Variants in SBK1 observed in about 807,000 individuals in gnomAD.
The protein encoded by SBK1 is serine/threonine-protein kinase SBK1.
Under a neutral mutation model 24.4 loss-of-function variants are expected in SBK1, and 11 were observed. The ratio of observed to expected loss-of-function variants is 0.45; its 90% confidence interval spans 0.28 to 0.75. The LOEUF (loss-of-function observed/expected upper bound fraction) is 0.75, where lower values mean the gene tolerates loss of function less well. SBK1 is among the 30% of genes least tolerant of loss of function. SBK1 has a pLI of 0.12. For missense variants in SBK1, 467 were observed against 620.5 expected, an observed-to-expected ratio of 0.75 and a Z score of 2.63; for synonymous variants, 308 against 284.4, an observed-to-expected ratio of 1.08 and a Z score of -0.83.
chr16:28,280,191 A>G (rs1211494585), intron 1 of SBK1, among the ~76,000 whole-genome samples: 1 of 114,554 alleles, frequency 8.7e-6, no homozygotes, highest in African/African-American at 2.8e-5. Flanking sequence ...ATACATATAT[A>G]TGTACATATA....
chr16:28,309,689 G>A (rs774653042), intron 1 of SBK1, among the ~76,000 whole-genome samples: 1 of 152,050 alleles, frequency 6.6e-6, no homozygotes, highest in Non-Finnish European at 1.5e-5. Flanking sequence ...TTGAGCCTGG[G>A]GGTTCAAGAC....
chr16:28,318,969 A>G (rs1262618310), intron 2 of SBK1, 26 bp from the exon 3 acceptor site: 4 of 1,597,912 alleles, frequency 2.5e-6, no homozygotes, highest in Non-Finnish European at 3.4e-6. Flanking sequence ...AGGGGGCTTC[A>G]ACCCTGTTGC....
At chr16:28,318,973 C>G in intron 2 of SBK1, 22 bp from the exon 3 acceptor site, 1 of 1,604,228 alleles carries the variant, frequency 6.2e-7, no homozygotes, top group Non-Finnish European at 8.5e-7. Context: ...GGCTTCAACC[C>G]TGTTGCTGTT....
Position 28,293,144 on chromosome 16 carries a change from C to T in SBK1, c.-164C>T. On this transcript the variant is annotated 5_prime_UTR_variant, in exon 1 of 4. Transcript: ENST00000341901. Reference sequence around the variant, plus strand: ...ACCAGCAAGAAGCCTCGGGGATCCCCCCCCTAAAGCTCCAGGACTTGGGCG... The same window carrying T: ...ACCAGCAAGAAGCCTCGGGGATCCCTCCCCTAAAGCTCCAGGACTTGGGCG... 2 of 985,724 alleles carry T rather than the reference C, an allele frequency of 2.0e-6. No homozygotes were observed. Among genetic ancestry groups the T allele is most frequent in the Non-Finnish European group, 2.4e-6 (2 of 830,092 alleles). 61.1% of individuals were successfully genotyped at this position (985,724 alleles called of 1,614,324 possible). A position where few individuals can be genotyped will look rare whatever the true frequency, so the allele number is the denominator to read the frequency against.
intron 1 of SBK1, among the ~76,000 whole-genome samples, chr16:28,279,799 C>T (rs898383550): frequency 6.6e-6 from 1 of 152,002 alleles, no homozygotes; most frequent in Admixed American, 6.6e-5. Context: ...CCTTCCTCCC[C>T]GGACCTCAGT....
At chr16:28,307,159 A>T (rs939308983) in intron 1 of SBK1, among the ~76,000 whole-genome samples, 1 of 152,206 alleles carries the variant, frequency 6.6e-6, no homozygotes, top group African/African-American at 2.4e-5. Context: ...GATGATGCCA[A>T]CGGGGAGGAG....
At chr16:28,299,873 C>G (rs1225946626) in intron 1 of SBK1, among the ~76,000 whole-genome samples, 1 of 152,228 alleles carries the variant, frequency 6.6e-6, no homozygotes, top group East Asian at 1.9e-4. Context: ...CACCTCTGCT[C>G]TCATCTCCTG....
At position 28,319,140 on chromosome 16, in the gene SBK1, C is replaced by T. The variant is rs764447992; in HGVS notation, c.372C>T (p.Tyr124=). Residue 124 remains tyrosine, a synonymous_variant, in exon 3 of 4, where the codon TAC becomes TAT. Transcript: ENST00000341901. The surrounding 1 kb of genome is among the most constrained non-coding windows in gnomAD (Gnocchi z 4.0). ...TGGTCTTTGAGACAGAGGACTGCTA[C>T]GTCTTTGCCCAGGAGTACGCACCTG... ...FDVVFETEDC[Y]VFAQEYAPAG... is the part of the protein sequence containing the mutation. The T allele has an allele frequency of 2.8e-5, 45 of 1,613,974 alleles. No homozygotes were observed. Among genetic ancestry groups the T allele is most frequent in the African/African-American group, 4.0e-5 (3 of 74,914 alleles).
rs71140961 is a variant in SBK1, at chr16:28,272,619, C to CTTTTTT, written c.257+13132_257+13137dup. Among the ~76,000 whole-genome samples, 332 of 105,970 alleles carry CTTTTTT rather than the reference C, an allele frequency of 3.1e-3. 1 individual carries two copies. The highest frequency in any genetic ancestry group is 4.6e-3 in the Non-Finnish European group (242 of 52,382). The allele number at this position is 105,970 out of a possible 152,430, so 69.5% of individuals were successfully genotyped here. On this transcript the variant is annotated intron_variant, in intron 1 of 3. Coordinates refer to the SBK1 transcript ENST00000671413. Reference sequence around the variant, plus strand: ...ATTTTTTTTCTTTCTTTCTTTCTTTCTTTTTTTTTTTTTTTTTTTTGAGAC... The same window carrying CTTTTTT: ...ATTTTTTTTCTTTCTTTCTTTCTTTCTTTTTTTTTTTTTTTTTTTTTTTTTTGAGAC...
intron 1 of SBK1, among the ~76,000 whole-genome samples, chr16:28,300,014 A>G (rs944259681): frequency 6.6e-6 from 1 of 152,178 alleles, no homozygotes; most frequent in Non-Finnish European, 1.5e-5. Flanking sequence ...CTGGCCTCCC[A>G]CCCACAATTC....
intron 1 of SBK1, among the ~76,000 whole-genome samples, chr16:28,262,802 G>A (rs2044405465): frequency 6.6e-6 from 1 of 152,180 alleles, no homozygotes; most frequent in Non-Finnish European, 1.5e-5. Flanking sequence ...GAGGCAAGCT[G>A]TTGGAATAAA....
At chr16:28,306,603 C>G (rs555162151) in intron 1 of SBK1, among the ~76,000 whole-genome samples, 1 of 152,204 alleles carries the variant, frequency 6.6e-6, no homozygotes, top group South Asian at 2.1e-4. Flanking sequence ...GGTCAGGGCT[C>G]CAACATTTCC....
In SBK1 at chr16:28,292,881, A is replaced by G. The variant is rs1220587242; in HGVS notation, c.-427A>G. 8 of 979,912 alleles carry G rather than the reference A, an allele frequency of 8.2e-6. No homozygotes were observed. Among genetic ancestry groups the G allele is most frequent in the Non-Finnish European group, 9.7e-6 (8 of 825,542 alleles). The allele number at this position is 979,912 out of a possible 1,614,324, so 60.7% of individuals were successfully genotyped here. A position where few individuals can be genotyped will look rare whatever the true frequency, so the allele number is the denominator to read the frequency against. ...GTATTTAGAAGACAGCAAGCCCCCT[A>G]CGGCACCGCAAGGACTCCCCCTCCT... On this transcript the variant is annotated 5_prime_UTR_variant, in exon 1 of 4. Coordinates refer to ENST00000341901, the MANE Select transcript of SBK1 (RefSeq NM_001024401.3).
At position 28,293,153 on chromosome 16, in the gene SBK1, G is replaced by A; in HGVS notation, c.-155G>A. On this transcript the variant is annotated 5_prime_UTR_variant, in exon 1 of 4. Coordinates refer to ENST00000341901, the MANE Select transcript of SBK1 (RefSeq NM_001024401.3). ...AAGCCTCGGGGATCCCCCCCCTAAA[G>A]CTCCAGGACTTGGGCGACTGAGCCC... is the stretch of plus-strand genomic sequence containing the variant. 1 of 985,654 alleles carries A rather than the reference G, an allele frequency of 1.0e-6. No homozygotes were observed. The highest frequency in any genetic ancestry group is 1.2e-6 in the Non-Finnish European group (1 of 830,080). 61.1% of individuals were successfully genotyped at this position (985,654 alleles called of 1,614,324 possible). A position where few individuals can be genotyped will look rare whatever the true frequency, so the allele number is the denominator to read the frequency against.
chr16:28,258,786 T>A (rs2044377734), upstream of SBK1: 1 of 152,562 alleles, frequency 6.6e-6, no homozygotes, highest in Non-Finnish European at 1.5e-5. Flanking sequence ...GAGGACAGCG[T>A]GGGCACCGTG....
chr16:28,316,601 C>T (rs2044797735), intron 1 of SBK1, among the ~76,000 whole-genome samples: 1 of 146,110 alleles, frequency 6.8e-6, no homozygotes, highest in Admixed American at 6.8e-5. Flanking sequence ...GCCAACTCTA[C>T]AAAAAAAAAA....
chr16:28,260,499 G>A (rs1393406894), intron 1 of SBK1, among the ~76,000 whole-genome samples: 1 of 152,252 alleles, frequency 6.6e-6, no homozygotes, highest in African/African-American at 2.4e-5. Flanking sequence ...CATGGGCCAA[G>A]CCAGTTTCCC....
In SBK1 at chr16:28,293,140, T is replaced by G; in HGVS notation, c.-168T>G. The stretch of plus-strand genomic sequence containing the variant: ...TCTCACCAGCAAGAAGCCTCGGGGA[T>G]CCCCCCCCTAAAGCTCCAGGACTTG... On this transcript the variant is annotated 5_prime_UTR_variant, in exon 1 of 4. Transcript: ENST00000341901. 1 of 984,108 alleles carries G rather than the reference T, an allele frequency of 1.0e-6. No individual in the cohort carries two copies. Among genetic ancestry groups the G allele is most frequent in the Non-Finnish European group, 1.2e-6 (1 of 829,530 alleles). The allele number at this position is 984,108 out of a possible 1,614,324, so 61.0% of individuals were successfully genotyped here.
chr16:28,272,724 C>A (rs576192069), intron 1 of SBK1, among the ~76,000 whole-genome samples: 1 of 148,518 alleles, frequency 6.7e-6, no homozygotes, highest in African/African-American at 2.5e-5. Flanking sequence ...CAGGTTCAAG[C>A]GATTCTTCTG....
Sources: allele counts gnomAD v4.1 joint callset (sites outside exome capture counted in the v4.1 genomes callset), GRCh38; gene constraint gnomAD v4.1.1; non-coding constraint Gnocchi (gnomAD v3.1); transcripts MANE v1.5; gene names NCBI Gene and HGNC (gene_info 2026-07-23, HGNC 2026-07-21).